ABCA12: variants seen among roughly 807,000 people sequenced by gnomAD.
The protein encoded by ABCA12 is glucosylceramide transporter ABCA12.
A neutral mutation model predicts 293.5 loss-of-function variants in ABCA12; 156 were observed. The observed-to-expected ratio is 0.53, with a 90% CI of 0.47 to 0.61. The LOEUF is 0.61. ABCA12 is among the 20% of genes least tolerant of loss of function. The pLI is 0.00. For synonymous variants in ABCA12, 1,063 were observed against 1,108.0 expected (o/e 0.96, Z 0.81); for missense variants, 2,797 against 3,090.2 (o/e 0.91, Z 2.25).
At chr2:215,064,785 C>T (rs940979354) in intron 2 of ABCA12, among the ~76,000 whole-genome samples, 3 of 151,386 alleles carry the variant, frequency 2.0e-5, no homozygotes, top group Non-Finnish European at 4.4e-5. Context: ...TGATTGATGG[C>T]TTTTTTCCTG....
intron 51 of ABCA12, among the ~76,000 whole-genome samples, 155 bp downstream of exon 51, chr2:214,937,355 T>C (rs1263597865): frequency 6.6e-6 from 1 of 152,118 alleles, no homozygotes; most frequent in Non-Finnish European, 1.5e-5. Flanking sequence ...TGTGCCACCA[T>C]GCCCAGCTAA....
intron 45 of ABCA12, among the ~76,000 whole-genome samples, chr2:214,950,186 C>T (rs942829049): frequency 6.6e-6 from 1 of 151,966 alleles, no homozygotes; most frequent in South Asian, 2.1e-4. Flanking sequence ...GTGGGATGTG[C>T]ATAGATTATA....
intron 2 of ABCA12, among the ~76,000 whole-genome samples, chr2:215,102,624 C>T (rs1490206706): frequency 6.6e-6 from 1 of 152,072 alleles, no homozygotes; most frequent in Non-Finnish European, 1.5e-5. Context: ...AACTCTAATA[C>T]TTTTGGTTTG....
intron 21 of ABCA12, 131 bp from the exon 22 acceptor site, chr2:215,001,151 T>C: frequency 1.1e-6 from 1 of 893,264 alleles, no homozygotes; most frequent in Non-Finnish European, 1.7e-6. Context: ...TTCAGGTTCT[T>C]AATTTACAGA....
intron 1 of ABCA12, among the ~76,000 whole-genome samples, chr2:215,136,433 A>T (rs1354727101): frequency 6.6e-6 from 1 of 152,208 alleles, no homozygotes; most frequent in Non-Finnish European, 1.5e-5. Flanking sequence ...AATGAAAAAC[A>T]AACATCTTCA....
At chr2:215,103,998 A>G (rs1252255203) in intron 2 of ABCA12, among the ~76,000 whole-genome samples, 1 of 152,110 alleles carries the variant, frequency 6.6e-6, no homozygotes, top group African/African-American at 2.4e-5. Context: ...AAAAAATGTT[A>G]TAAAGATGTT....
At position 214,937,563 on chromosome 2, in the gene ABCA12, T is replaced by C. The variant is rs1698260165; in HGVS notation, c.7489A>G (p.Met2497Val). Residue 2497 changes from methionine (M) to valine (V), a missense_variant, in exon 51 of 53, where the codon ATG (methionine) becomes GTG (valine). Transcript: ENST00000272895. ...TGCATGAACTTTGTGAGGGTCTCCA[T>C]GGTCACTTTGTTATTCTTCAAGTGA... ...KVHLKNNKVT[M>V]ETLTKFMQLH... 2 of 1,614,008 alleles carry C rather than the reference T, an allele frequency of 1.2e-6. No individual in the cohort carries two copies. Among genetic ancestry groups the C allele is most frequent in the Non-Finnish European group, 1.7e-6 (2 of 1,179,918 alleles).
Position 215,099,522 on chromosome 2 carries a change from G to A in ABCA12, c.163+12075C>T, listed in dbSNP as rs376411133. ...ATCCAGGCCAACATGGTGAAACCCC[G>A]TCTCTACTAAAAATACAAAAATTAG... On this transcript the variant is annotated intron_variant, in intron 2 of 52. Transcript: ENST00000272895. Among the ~76,000 whole-genome samples, 21 of 152,096 alleles carry A rather than the reference G, an allele frequency of 1.4e-4. No homozygotes were observed. The East Asian group carries it at 1.7e-3, about 13-fold the overall frequency.
chr2:215,034,689 T>TA (rs1451962296), intron 8 of ABCA12, among the ~76,000 whole-genome samples: 1 of 152,186 alleles, frequency 6.6e-6, no homozygotes, highest in Admixed American at 6.5e-5. Context: ...ACTGGATGAG[T>TA]AACACAGGCC....
intron 2 of ABCA12, among the ~76,000 whole-genome samples, chr2:215,091,165 C>A (rs1313107399): frequency 1.3e-5 from 2 of 152,072 alleles, no homozygotes; most frequent in Non-Finnish European, 2.9e-5. Flanking sequence ...TCAGTCTCCA[C>A]CCCAAGCAGA....
intron 2 of ABCA12, among the ~76,000 whole-genome samples, chr2:215,088,936 A>T (rs1702089251): frequency 1.3e-5 from 2 of 152,176 alleles, no homozygotes; most frequent in Admixed American, 1.3e-4. Flanking sequence ...TTAATCATTC[A>T]TGTATATCAT....
chr2:215,063,180 T>A (rs1030656936), intron 3 of ABCA12, among the ~76,000 whole-genome samples: 2 of 151,984 alleles, frequency 1.3e-5, no homozygotes, highest in African/African-American at 4.8e-5. Context: ...GATAAACGGG[T>A]TGCAGTTGCA....
chr2:215,091,256 G>T (rs1702136435), intron 2 of ABCA12, among the ~76,000 whole-genome samples: 1 of 152,024 alleles, frequency 6.6e-6, no homozygotes, highest in African/African-American at 2.4e-5. Context: ...GCTGAGCCAG[G>T]TCCCAATTCT....
chr2:215,105,186 A>G (rs1702439188), intron 2 of ABCA12, among the ~76,000 whole-genome samples: 1 of 152,202 alleles, frequency 6.6e-6, no homozygotes, highest in African/African-American at 2.4e-5. Context: ...TAAGTGAGTC[A>G]AGACTGAAGC....
At position 215,091,048 on chromosome 2, in the gene ABCA12, T is replaced by C. The variant is rs1042622511; in HGVS notation, c.163+20549A>G. On this transcript the variant is annotated intron_variant, in intron 2 of 52. Transcript: ENST00000272895. ...TTTGTCGAAAAATGGGCAAATGGTC[T>C]GAGGTGCCTGACGTCCAGGCATTCT... 4.6e-5 allele frequency among the ~76,000 whole-genome samples: 7 copies of C among 152,228 alleles called. No individual in the cohort carries two copies. In the South Asian group the frequency reaches 1.5e-3, roughly 32 times the overall value.
intron 2 of ABCA12, among the ~76,000 whole-genome samples, chr2:215,106,595 T>A (rs1702467945): frequency 6.6e-6 from 1 of 152,152 alleles, no homozygotes; most frequent in Non-Finnish European, 1.5e-5. Flanking sequence ...ATAGGGACAA[T>A]TCTATTACAA....
intron 2 of ABCA12, among the ~76,000 whole-genome samples, chr2:215,072,084 C>T (rs1360020683): frequency 1.3e-5 from 2 of 152,136 alleles, no homozygotes; most frequent in Admixed American, 6.5e-5. Flanking sequence ...AGGCAAGATG[C>T]CTAATCCTGA....
chr2:215,117,499 A>G (rs935289650), intron 1 of ABCA12, among the ~76,000 whole-genome samples: 1 of 152,216 alleles, frequency 6.6e-6, no homozygotes, highest in African/African-American at 2.4e-5. Context: ...ATTATCTAGT[A>G]ATATTTTCCT....
At chr2:215,114,197 T>A (rs535261932) in intron 1 of ABCA12, among the ~76,000 whole-genome samples, 3 of 152,140 alleles carry the variant, frequency 2.0e-5, no homozygotes, top group Non-Finnish European at 4.4e-5. Context: ...ATGGTCTTGA[T>A]CTCTTGACCT....
Sources: allele counts gnomAD v4.1 joint callset (sites outside exome capture counted in the v4.1 genomes callset), GRCh38; gene constraint gnomAD v4.1.1; transcripts MANE v1.5; gene names NCBI Gene and HGNC (gene_info 2026-07-23, HGNC 2026-07-21).